EPHA7: variants seen among roughly 807,000 people sequenced by gnomAD.
EPHA7 encodes the protein EPH receptor A7.
Under a neutral mutation model 112.6 loss-of-function variants are expected in EPHA7, and 25 were observed. The ratio of observed to expected loss-of-function variants is 0.22; its 90% confidence interval spans 0.16 to 0.31. EPHA7 has a LOEUF of 0.31. Ranked by LOEUF, EPHA7 falls within the 10% of genes least tolerant of loss-of-function variation. The pLI is 1.00. For synonymous variants in EPHA7, 437 were observed against 406.5 expected (o/e 1.07, Z -0.90); for missense variants, 962 against 1,212.6 (o/e 0.79, Z 3.07).
At chr6:93,288,398 G>C (rs1012872292) in intron 5 of EPHA7, among the ~76,000 whole-genome samples, 1 of 152,136 alleles carries the variant, frequency 6.6e-6, no homozygotes, top group East Asian at 1.9e-4. Flanking sequence ...CCTAGGTCTA[G>C]GGGTGAGAAT....
intron 5 of EPHA7, among the ~76,000 whole-genome samples, chr6:93,311,148 A>ATTTTTTTTTTTTTTT (rs1773521254): frequency 1.5e-5 from 1 of 68,512 alleles, no homozygotes; most frequent in African/African-American, 6.4e-5. Flanking sequence ...TTTTACAGAG[A>ATTTTTTTTTTTTTTT]TTGTAACATC....
chr6:93,249,428 A>G (rs2780660), intron 14 of EPHA7, among the ~76,000 whole-genome samples: 98,392 of 152,036 alleles, frequency 0.65, 32,899 homozygotes, highest in South Asian at 0.83. Context: ...GTTGGGTTAA[A>G]TGATTTAAAT....
chr6:93,320,853 T>C (rs993127701), intron 5 of EPHA7, among the ~76,000 whole-genome samples: 7 of 151,944 alleles, frequency 4.6e-5, no homozygotes, highest in African/African-American at 1.7e-4. Flanking sequence ...TGCTGAAATA[T>C]GGGATTGTAG....
At chr6:93,419,052 C>T (rs1173650554) in intron 1 of EPHA7, among the ~76,000 whole-genome samples, 193 bp downstream of exon 1, 1 of 152,190 alleles carries the variant, frequency 6.6e-6, no homozygotes, top group East Asian at 1.9e-4. Flanking sequence ...GGGCTGTAGG[C>T]GGCTCGGAAC....
chr6:93,258,880 C>A (rs976515617), intron 10 of EPHA7, among the ~76,000 whole-genome samples: 2 of 151,500 alleles, frequency 1.3e-5, no homozygotes, highest in South Asian at 4.1e-4. Context: ...AAAATACATA[C>A]ATATAGAAAA....
At chr6:93,381,319 A>T (rs1478088720) in intron 3 of EPHA7, among the ~76,000 whole-genome samples, 1 of 152,154 alleles carries the variant, frequency 6.6e-6, no homozygotes, top group East Asian at 1.9e-4. Context: ...TACCTATCTC[A>T]TTTTCATAAA....
chr6:93,382,920 C>G (rs1327486507), intron 3 of EPHA7, among the ~76,000 whole-genome samples: 1 of 152,164 alleles, frequency 6.6e-6, no homozygotes, highest in Non-Finnish European at 1.5e-5. Context: ...ACTTGACTTT[C>G]TGAATGACCA....
At chr6:93,270,011 C>T (rs1379647331) in intron 6 of EPHA7, among the ~76,000 whole-genome samples, 1 of 151,586 alleles carries the variant, frequency 6.6e-6, no homozygotes, top group East Asian at 1.9e-4. Context: ...TAGAGGTCAT[C>T]AAATCATAAT....
At chr6:93,310,649 G>A (rs1234287389) in intron 5 of EPHA7, among the ~76,000 whole-genome samples, 4 of 149,452 alleles carry the variant, frequency 2.7e-5, no homozygotes, top group African/African-American at 7.4e-5. Flanking sequence ...ATGACACAGC[G>A]AGACTCCGTC....
chr6:93,311,112 C>CTTTTTTTTTTTTTTTTTTTTTTTT (rs1434719790), intron 5 of EPHA7, among the ~76,000 whole-genome samples: 1 of 71,028 alleles, frequency 1.4e-5, no homozygotes, highest in Admixed American at 1.5e-4. Context: ...TCATGCCCAG[C>CTTTTTTTTTTTTTTTTTTTTTTTT]TATTTTTTTT....
At chr6:93,371,970 T>C (rs943415390) in intron 3 of EPHA7, among the ~76,000 whole-genome samples, 3 of 152,192 alleles carry the variant, frequency 2.0e-5, no homozygotes, top group African/African-American at 7.2e-5. Context: ...CACAGATGGA[T>C]ACCAGGTGGA....
In EPHA7 at chr6:93,333,970, A is replaced by G. The variant is rs186593865; in HGVS notation, c.1324+22747T>C. Among the ~76,000 whole-genome samples, 440 of 152,134 alleles carry G rather than the reference A, an allele frequency of 2.9e-3. 2 individuals carry two copies. Among genetic ancestry groups the G allele is most frequent in the African/African-American group, 0.01 (420 of 41,560 alleles). On this transcript the variant is annotated intron_variant, in intron 5 of 16. Coordinates refer to ENST00000369303, the MANE Select transcript of EPHA7 (RefSeq NM_004440.4). ...TTTCAAAATTCATATGAACCAAAAA[A>G]GAGCTGACTTACTCAGGACAATTCT...
At chr6:93,358,551 G>T in intron 3 of EPHA7, 140 bp from the exon 4 acceptor site, 2 of 691,148 alleles carry the variant, frequency 2.9e-6, no homozygotes, top group East Asian at 6.0e-5. Context: ...ATTCATTTTA[G>T]GGTATTTCAC....
chr6:93,263,867 G>A lies in EPHA7; in HGVS notation c.1791C>T (p.Tyr597=). 3.7e-6 allele frequency: 6 copies of A among 1,609,086 alleles called. No individual in the cohort carries two copies. Among genetic ancestry groups the A allele is most frequent in the Non-Finnish European group, 5.1e-6 (6 of 1,176,864 alleles). The change falls in exon 9 of 17, where the codon TAC becomes TAT. Residue 597 remains tyrosine, a synonymous_variant. Coordinates refer to ENST00000369303, the MANE Select transcript of EPHA7 (RefSeq NM_004440.4). ...KADQEGDEEL[Y]FHFKFPGTKT... is the part of the protein sequence containing the mutation. ...GAAAAGCCAAACACTTACAATGAAA[G>A]TAAAGCTCTTCATCGCCTTCTTGGT...
At chr6:93,288,151 C>T (rs1337385531) in intron 5 of EPHA7, among the ~76,000 whole-genome samples, 1 of 152,054 alleles carries the variant, frequency 6.6e-6, no homozygotes, top group African/African-American at 2.4e-5. Flanking sequence ...CAATATTATT[C>T]ATATAGCCCA....
chr6:93,243,508 C>T lies in EPHA7; in HGVS notation c.2915G>A (p.Gly972Asp), dbSNP rs1422250111. 1.9e-6 allele frequency: 3 copies of T among 1,613,374 alleles called. No homozygotes were observed. Among genetic ancestry groups the T allele is most frequent in the Non-Finnish European group, 2.5e-6 (3 of 1,179,582 alleles). ...GCTGCTCATGATTTTCTTTTGATGA[C>T]CAACCAGTGTGATCCCTAAACTCAT... ...DVMSLGITLV[G>D]HQKKIMSSIQ... The change falls in exon 17 of 17, where the codon GGT (glycine) becomes GAT (aspartate). Residue 972 changes from glycine (G) to aspartate (D), a missense_variant. Gly to Asp is a moderately conservative substitution (Grantham distance 94). Transcript: ENST00000369303.
chr6:93,347,989 G>C (rs561627907), intron 5 of EPHA7, among the ~76,000 whole-genome samples: 1 of 151,864 alleles, frequency 6.6e-6, no homozygotes, highest in East Asian at 1.9e-4. Flanking sequence ...AATATGAGAC[G>C]CAACTTAAAA....
intron 3 of EPHA7, among the ~76,000 whole-genome samples, chr6:93,359,874 G>GAGAGAGAGAGAGAGAGAGAGAT (rs1462833873): frequency 1.6e-5 from 2 of 127,846 alleles, no homozygotes; most frequent in Non-Finnish European, 3.4e-5. Flanking sequence ...GAGAGAGAGA[G>GAGAGAGAGAGAGAGAGAGAGAT]AGATAGATAG....
At chr6:93,315,019 C>T (rs554844074) in intron 5 of EPHA7, among the ~76,000 whole-genome samples, 7 of 149,636 alleles carry the variant, frequency 4.7e-5, no homozygotes, top group Admixed American at 2.0e-4. Flanking sequence ...CCCGCCACCA[C>T]GCCCGGCTAA....
Sources: allele counts gnomAD v4.1 joint callset (sites outside exome capture counted in the v4.1 genomes callset), GRCh38; gene constraint gnomAD v4.1.1; transcripts MANE v1.5; gene names NCBI Gene and HGNC (gene_info 2026-07-23, HGNC 2026-07-21).